APPL2: variants seen among roughly 807,000 people sequenced by gnomAD.
APPL2 encodes DCC-interacting protein 13-beta.
APPL2 carries 84 observed loss-of-function variants against 92.7 expected under a neutral mutation model. The ratio of observed to expected loss-of-function variants is 0.91; its 90% CI spans 0.76 to 1.09. The LOEUF (loss-of-function observed/expected upper bound fraction) is 1.09. APPL2 is among the 50% of genes least tolerant of loss of function. The pLI is 0.00. For missense variants in APPL2, 736 were observed against 824.5 expected (o/e 0.89, Z 1.31); for synonymous variants, 291 against 291.0 (o/e 1.00, Z 0.00).
At chr12:105,211,495 A>G (rs534959705) in intron 4 of APPL2, among the ~76,000 whole-genome samples, 178 bp from the exon 5 acceptor site, 3 of 152,362 alleles carry the variant, frequency 2.0e-5, no homozygotes, top group African/African-American at 7.2e-5. Flanking sequence ...GAAGCATGAA[A>G]AATGAAATGC....
chr12:105,175,731 G>GCTAA (rs1030623897), intron 20 of APPL2, among the ~76,000 whole-genome samples: 1 of 151,232 alleles, frequency 6.6e-6, no homozygotes, highest in Non-Finnish European at 1.5e-5. Context: ...CAAGGCCTTA[G>GCTAA]AGCAGCACAC....
chr12:105,207,321 T>A, intron 7 of APPL2, 114 bp from the exon 8 acceptor site: 1 of 1,065,206 alleles, frequency 9.4e-7, no homozygotes, highest in Non-Finnish European at 1.3e-6. Context: ...GTGACAAATA[T>A]AACAAAACAC....
At chr12:105,177,724 T>G (rs1185325824) in intron 17 of APPL2, among the ~76,000 whole-genome samples, 1 of 152,198 alleles carries the variant, frequency 6.6e-6, no homozygotes, top group Non-Finnish European at 1.5e-5. Context: ...ACAAAACTCT[T>G]ATCAATTTGG....
At chr12:105,213,137 G>A (rs1462803958) in intron 4 of APPL2, among the ~76,000 whole-genome samples, 3 of 152,190 alleles carry the variant, frequency 2.0e-5, no homozygotes. Flanking sequence ...CCTTGCTGAT[G>A]CCATATAAGA....
intron 7 of APPL2, 106 bp from the exon 8 acceptor site, chr12:105,207,313 G>A: frequency 8.7e-7 from 1 of 1,148,458 alleles, no homozygotes; most frequent in Non-Finnish European, 1.2e-6. Flanking sequence ...CCATTTTTGT[G>A]ACAAATATAA....
chr12:105,217,645 G>C, intron 3 of APPL2, 21 bp downstream of exon 3: 1 of 1,613,040 alleles, frequency 6.2e-7, no homozygotes, highest in South Asian at 1.1e-5. Context: ...AGCATCACAG[G>C]CCACATAAAT....
chr12:105,229,617 T>C, intron 1 of APPL2: 1 of 998,494 alleles, frequency 1.0e-6, no homozygotes. Context: ...AGGTCAGGCC[T>C]ATCTGTGTAC....
intron 2 of APPL2, among the ~76,000 whole-genome samples, chr12:105,221,716 G>A (rs1191818959): frequency 2.0e-5 from 3 of 152,186 alleles, no homozygotes; most frequent in Admixed American, 6.5e-5. Flanking sequence ...ACTATGCACC[G>A]CTTTGTGAGA....
At chr12:105,190,868 T>C (rs1432341288) in intron 14 of APPL2, among the ~76,000 whole-genome samples, 3 of 152,224 alleles carry the variant, frequency 2.0e-5, no homozygotes, top group South Asian at 2.1e-4. Flanking sequence ...GACAGACTAA[T>C]CAGGAACCAA....
Position 105,174,178 on chromosome 12 carries a change from A to G in APPL2, c.*136T>C. On this transcript the variant is annotated 3_prime_UTR_variant, in exon 21 of 21. Coordinates refer to ENST00000258530, the MANE Select transcript of APPL2 (RefSeq NM_018171.5). ...GTTTCCCTCCCAAGTCTCAGTATCA[A>G]GGCATCAAGATTACATTCCACAAAC... The G allele has an allele frequency of 9.4e-7, 1 of 1,059,946 alleles. No homozygotes were observed. The highest frequency in any genetic ancestry group is 1.3e-6 in the Non-Finnish European group (1 of 754,796). The allele number at this position is 1,059,946 out of a possible 1,614,324, so 65.7% of individuals were successfully genotyped here.
At position 105,194,599 on chromosome 12, in the gene APPL2, G is replaced by A. The variant is rs1374289897; in HGVS notation, c.1241+662C>T. 3.3e-5 allele frequency among the ~76,000 whole-genome samples: 5 copies of A among 152,168 alleles called. No individual in the cohort carries two copies. The South Asian group carries it at 6.2e-4, about 19-fold the overall frequency. On this transcript the variant is annotated intron_variant, in intron 14 of 20. Transcript: ENST00000258530. Reference sequence around the variant, plus strand: ...CCAGCTACTCGGGAGGCTGAGGCAGGAGAATCACTTGAATCTGGGAAGTGG... The same window carrying A: ...CCAGCTACTCGGGAGGCTGAGGCAGAAGAATCACTTGAATCTGGGAAGTGG...
intron 17 of APPL2, among the ~76,000 whole-genome samples, chr12:105,185,561 C>T (rs1260862598): frequency 6.6e-6 from 1 of 151,862 alleles, no homozygotes; most frequent in Non-Finnish European, 1.5e-5. Context: ...TTCTGCTTGC[C>T]CTCCATAGGC....
intron 5 of APPL2, among the ~76,000 whole-genome samples, chr12:105,210,945 G>A (rs1295196187): frequency 6.6e-6 from 1 of 152,072 alleles, no homozygotes; most frequent in Non-Finnish European, 1.5e-5. Context: ...TCCCTAGCAC[G>A]CCTTTCTGTG....
rs562472275 is a variant in APPL2 at position 105,195,513 on chromosome 12, A to G, written c.1096-12T>C. On this transcript the variant is annotated splice_polypyrimidine_tract_variant and intron_variant, in intron 12 of 20. Transcript: ENST00000258530. ...ATTGCACATATCCACTGTAGAGGAC[A>G]TTAAAAAAGAACACTGAATCCCAAA... is the stretch of plus-strand genomic sequence containing the variant. The G allele has an allele frequency of 9.9e-6, 16 of 1,614,250 alleles. No individual in the cohort carries two copies. In the African/African-American group the frequency reaches 1.1e-4, roughly 11 times the overall value.
chr12:105,186,120 TA>T (rs1202427344), intron 17 of APPL2, among the ~76,000 whole-genome samples: 1 of 152,220 alleles, frequency 6.6e-6, no homozygotes, highest in Non-Finnish European at 1.5e-5. Context: ...TGTTCCTTTT[TA>T]AGGCCAAATA....
intron 19 of APPL2, 29 bp downstream of exon 19, chr12:105,176,847 A>G: frequency 6.2e-7 from 1 of 1,610,320 alleles, no homozygotes; most frequent in Non-Finnish European, 8.5e-7. Context: ...GGACTGGGAT[A>G]TTATGGGATC....
intron 4 of APPL2, among the ~76,000 whole-genome samples, chr12:105,214,560 A>G (rs1889504041): frequency 6.6e-6 from 1 of 152,266 alleles, no homozygotes; most frequent in African/African-American, 2.4e-5. Flanking sequence ...GATATAATAA[A>G]AAATATGTAT....
At chr12:105,184,159 T>A (rs927120275) in intron 17 of APPL2, among the ~76,000 whole-genome samples, 1 of 152,342 alleles carries the variant, frequency 6.6e-6, no homozygotes, top group African/African-American at 2.4e-5. Flanking sequence ...GCAGTTCCTA[T>A]AACCTTTTAT....
intron 2 of APPL2, among the ~76,000 whole-genome samples, chr12:105,222,086 A>G (rs1890144871): frequency 6.6e-6 from 1 of 152,222 alleles, no homozygotes; most frequent in African/African-American, 2.4e-5. Flanking sequence ...CACGGGTCGC[A>G]CTAGTTCAGG....
Sources: allele counts gnomAD v4.1 joint callset (sites outside exome capture counted in the v4.1 genomes callset), GRCh38; gene constraint gnomAD v4.1.1; transcripts MANE v1.5; gene names NCBI Gene and HGNC (gene_info 2026-07-23, HGNC 2026-07-21).